Variants in SLC8A1 observed in about 807,000 individuals in gnomAD.
SLC8A1 encodes the protein solute carrier family 8 member A1.
A neutral mutation model predicts 68.3 loss-of-function variants in SLC8A1; 18 were observed. That is an observed-to-expected ratio of 0.26 (90% confidence interval 0.18 to 0.39). SLC8A1 has a LOEUF of 0.39. Ranked by LOEUF, SLC8A1 falls within the 10% of genes least tolerant of loss-of-function variation. The pLI is 1.00. For synonymous variants in SLC8A1, 475 were observed against 415.5 expected, an observed-to-expected ratio of 1.14 and a Z score of -1.74; for missense variants, 985 against 1,156.7, an observed-to-expected ratio of 0.85 and a Z score of 2.15.
chr2:40,409,247 C>T (rs1239382138), intron 2 of SLC8A1, among the ~76,000 whole-genome samples: 1 of 152,066 alleles, frequency 6.6e-6, no homozygotes, highest in South Asian at 2.1e-4. Flanking sequence ...AGTTCCCAAT[C>T]ATATTTTGTT....
At chr2:40,124,346 A>C (rs2037590460) in intron 7 of SLC8A1, among the ~76,000 whole-genome samples, 1 of 152,164 alleles carries the variant, frequency 6.6e-6, no homozygotes, top group South Asian at 2.1e-4. Context: ...CTCACTCCAG[A>C]GACACTTTTT....
At chr2:40,256,661 C>T (rs987762307) in intron 2 of SLC8A1, among the ~76,000 whole-genome samples, 3 of 152,060 alleles carry the variant, frequency 2.0e-5, no homozygotes, top group Non-Finnish European at 4.4e-5. Flanking sequence ...CCAACCTTTC[C>T]TAATGCTAAG....
chr2:40,492,290 T>C (rs1705368674), intron 1 of SLC8A1, among the ~76,000 whole-genome samples: 1 of 152,182 alleles, frequency 6.6e-6, no homozygotes, highest in Non-Finnish European at 1.5e-5. Context: ...TGGCTAGCCA[T>C]ATCTAGAAAG....
intron 2 of SLC8A1, among the ~76,000 whole-genome samples, chr2:40,273,617 T>C (rs2066326424): frequency 6.6e-6 from 1 of 152,210 alleles, no homozygotes; most frequent in Admixed American, 6.5e-5. Context: ...TTATTAGGTA[T>C]AATAGGGCTT....
At chr2:40,124,035 C>T (rs907297570) in intron 7 of SLC8A1, among the ~76,000 whole-genome samples, 2 of 152,296 alleles carry the variant, frequency 1.3e-5, no homozygotes, top group Non-Finnish European at 2.9e-5. Context: ...ACATCCATCT[C>T]CTATCCAAAT....
chr2:40,404,413 T>C (rs1559542972), intron 2 of SLC8A1, among the ~76,000 whole-genome samples: 1 of 152,258 alleles, frequency 6.6e-6, no homozygotes, highest in African/African-American at 2.4e-5. Flanking sequence ...TCAGTAATTA[T>C]GACAATACAT....
At chr2:40,409,123 G>A (rs1401652024) in intron 2 of SLC8A1, among the ~76,000 whole-genome samples, 1 of 152,098 alleles carries the variant, frequency 6.6e-6, no homozygotes, top group African/African-American at 2.4e-5. Context: ...TTGAGACAAT[G>A]AGACAAGAAT....
intron 4 of SLC8A1, 83 bp downstream of exon 6, chr2:40,174,623 G>A: frequency 2.4e-6 from 3 of 1,239,230 alleles, no homozygotes; most frequent in Non-Finnish European, 3.4e-6. Flanking sequence ...AAATATTAAT[G>A]CAAGTTACAT....
intron 1 of SLC8A1, among the ~76,000 whole-genome samples, chr2:40,494,655 A>G: frequency 1.8e-5 from 1 of 54,858 alleles, no homozygotes; most frequent in East Asian, 5.7e-4. Flanking sequence ...ATATATATAT[A>G]TATATATATA....
At chr2:40,368,237 G>T (rs1054993969) in intron 2 of SLC8A1, among the ~76,000 whole-genome samples, 1 of 152,002 alleles carries the variant, frequency 6.6e-6, no homozygotes, top group Non-Finnish European at 1.5e-5. Context: ...TCTAACTACA[G>T]AAAATTCATT....
chr2:40,208,721 C>A (rs944926653), intron 2 of SLC8A1, among the ~76,000 whole-genome samples: 1 of 152,142 alleles, frequency 6.6e-6, no homozygotes, highest in East Asian at 1.9e-4. Flanking sequence ...CAGCAGTCTC[C>A]TCTTCTTACC....
At chr2:40,204,372 C>T (rs1029377230) in intron 2 of SLC8A1, among the ~76,000 whole-genome samples, 14 of 151,994 alleles carry the variant, frequency 9.2e-5, no homozygotes, top group Non-Finnish European at 1.5e-4. Context: ...AAATCCGCTA[C>T]GGGTTTTCAG....
At chr2:40,148,230 G>A (rs944539543) in intron 6 of SLC8A1, among the ~76,000 whole-genome samples, 1 of 151,988 alleles carries the variant, frequency 6.6e-6, no homozygotes, top group Non-Finnish European at 1.5e-5. Context: ...TATTCTTCCT[G>A]GAATTTTATT....
chr2:40,177,663 G>A (rs1207817450), intron 3 of SLC8A1: 9 of 794,878 alleles, frequency 1.1e-5, no homozygotes, highest in Non-Finnish European at 1.9e-5. Flanking sequence ...GGAAGCCGAG[G>A]AAGAGGAGAG....
intron 2 of SLC8A1, among the ~76,000 whole-genome samples, chr2:40,353,716 C>G (rs1045050505): frequency 6.6e-6 from 1 of 152,208 alleles, no homozygotes; most frequent in Non-Finnish European, 1.5e-5. Flanking sequence ...TACTCTTTCT[C>G]CCAAAGTCAT....
intron 2 of SLC8A1, among the ~76,000 whole-genome samples, chr2:40,249,899 T>A (rs1480917844): frequency 2.6e-5 from 4 of 152,260 alleles, no homozygotes; most frequent in Admixed American, 1.3e-4. Flanking sequence ...TTGAAAAAAA[T>A]ATATTTTGAT....
At chr2:40,222,842 G>A (rs1022241998) in intron 2 of SLC8A1, among the ~76,000 whole-genome samples, 6 of 152,140 alleles carry the variant, frequency 3.9e-5, no homozygotes, top group African/African-American at 1.4e-4. Flanking sequence ...CAGTTAGAAT[G>A]GTGATCATTA....
exon 2 of SLC8A1, chr2:40,428,637 A>G (rs1697511150): frequency 1.2e-6 from 2 of 1,613,814 alleles, no homozygotes; most frequent in East Asian, 2.2e-5. Flanking sequence ...TCTCACTCAC[A>G]TGAGTCACAG....
At chr2:40,355,553 G>C (rs1274615144) in intron 2 of SLC8A1, among the ~76,000 whole-genome samples, 1 of 152,054 alleles carries the variant, frequency 6.6e-6, no homozygotes, top group African/African-American at 2.4e-5. Flanking sequence ...ATATAATAGA[G>C]ACCTTGACAT....
Sources: gnomAD v4.1 joint callset for allele counts (sites outside exome capture counted in the v4.1 genomes callset) on GRCh38, gnomAD v4.1.1 for gene constraint, MANE v1.5 for transcripts, NCBI Gene and HGNC (gene_info 2026-07-23, HGNC 2026-07-21) for gene names.